PRKD1: variants seen among roughly 807,000 people sequenced by gnomAD.
PRKD1 encodes protein kinase D1.
A neutral mutation model predicts 95.9 loss-of-function variants in PRKD1; 63 were observed. The ratio of observed to expected loss-of-function variants is 0.66; its 90% confidence interval spans 0.54 to 0.81. The LOEUF is 0.81. Among genes scored for constraint, PRKD1 ranks in the 30% least tolerant of loss-of-function variants. PRKD1 has a pLI of 0.00. For missense variants in PRKD1, 1,048 were observed against 1,165.3 expected (o/e 0.90, Z 1.47); for synonymous variants, 425 against 423.1 (o/e 1.00, Z -0.05).
intron 1 of PRKD1, among the ~76,000 whole-genome samples, chr14:29,794,921 TA>T (rs45619836): frequency 6.6e-4 from 101 of 152,300 alleles, no homozygotes; most frequent in Non-Finnish European, 1.2e-3. Flanking sequence ...ACAGACTCAC[TA>T]AAAATCAGAT....
Position 29,643,306 on chromosome 14 carries a change from T to C in PRKD1, c.697-4402A>G, listed in dbSNP as rs188965800. ...TTAACACATCATGCATGGGAGATAA[T>C]ATGAGAACGTAATGATGAAAGTTGT... On this transcript the variant is annotated intron_variant, in intron 4 of 17. Transcript: ENST00000331968. 1.2e-3 allele frequency among the ~76,000 whole-genome samples: 189 copies of C among 152,292 alleles called. 1 individual carries two copies. The highest frequency in any genetic ancestry group is 4.0e-3 in the African/African-American group (165 of 41,558).
chr14:29,638,745 A>G lies in PRKD1; in HGVS notation c.856T>C (p.Tyr286His). The G allele has an allele frequency of 6.2e-7, 1 of 1,614,168 alleles. No individual in the cohort carries two copies. Among genetic ancestry groups the G allele is most frequent in the Non-Finnish European group, 8.5e-7 (1 of 1,180,030 alleles). The change falls in exon 5 of 18, where the codon TAC becomes CAC. Residue 286 changes from tyrosine to histidine, a missense_variant. Around this residue, in one of 3 missense-constraint regions of PRKD1, gnomAD observed 739 missense variants for 861.9 expected, o/e 0.86. Transcript: ENST00000331968. The part of the protein sequence containing the change: ...HSYTRPTVCQ[Y>H]CKKLLKGLFR... Reference sequence around the variant, plus strand: ...AGCCCCTTCAGAAGCTTCTTGCAGTACTGGCACACTGTGGGCCGGGTGTAG... The same window carrying G: ...AGCCCCTTCAGAAGCTTCTTGCAGTGCTGGCACACTGTGGGCCGGGTGTAG...
intron 1 of PRKD1, among the ~76,000 whole-genome samples, chr14:29,848,533 C>T (rs536083874): frequency 1.3e-5 from 2 of 151,758 alleles, no homozygotes; most frequent in East Asian, 3.9e-4. Flanking sequence ...CAGGTTGATC[C>T]TTGGCACAGA....
chr14:29,868,532 A>G (rs182539402), intron 1 of PRKD1, among the ~76,000 whole-genome samples: 91 of 152,284 alleles, frequency 6.0e-4, no homozygotes, highest in African/African-American at 2.0e-3. Context: ...ACTTGGAGAG[A>G]TTTGGCACTG....
At chr14:29,834,349 G>C (rs1392561820) in intron 1 of PRKD1, among the ~76,000 whole-genome samples, 1 of 151,956 alleles carries the variant, frequency 6.6e-6, no homozygotes, top group Non-Finnish European at 1.5e-5. Context: ...TCATTTGTTT[G>C]AAACAGAGGC....
At chr14:29,627,945 C>T (rs578186181) in intron 11 of PRKD1, among the ~76,000 whole-genome samples, 11 of 152,140 alleles carry the variant, frequency 7.2e-5, no homozygotes, top group Non-Finnish European at 1.6e-4. Context: ...TCCGATAACT[C>T]AATGGCCGAT....
intron 1 of PRKD1, among the ~76,000 whole-genome samples, chr14:29,804,166 C>A (rs1411827716): frequency 6.6e-6 from 1 of 150,468 alleles, no homozygotes; most frequent in Admixed American, 6.6e-5. Context: ...TGCTTGAACT[C>A]AGAAGGCGAA....
chr14:29,585,027 T>C (rs1259369139), intron 16 of PRKD1, among the ~76,000 whole-genome samples: 2 of 152,186 alleles, frequency 1.3e-5, no homozygotes, highest in Non-Finnish European at 2.9e-5. Flanking sequence ...CCAATCAACC[T>C]TCAAGCTCCT....
At chr14:29,846,595 T>C (rs776885314) in intron 1 of PRKD1, among the ~76,000 whole-genome samples, 1 of 152,140 alleles carries the variant, frequency 6.6e-6, no homozygotes, top group Non-Finnish European at 1.5e-5. Flanking sequence ...GTTAAGTGTG[T>C]TTGGTTTCAC....
chr14:29,907,677 GT>G (rs749741192), intron 1 of PRKD1, among the ~76,000 whole-genome samples: 42 of 152,138 alleles, frequency 2.8e-4, no homozygotes, highest in Non-Finnish European at 4.3e-4. Flanking sequence ...GCAAGCAACT[GT>G]TTCTTTTGCA....
chr14:29,577,192 T>G lies in PRKD1; in HGVS notation c.*46A>C, dbSNP rs1892582720. On this transcript the variant is annotated 3_prime_UTR_variant, in exon 18 of 18. Transcript: ENST00000331968. ...GGCAAATGTTAAACCTGACCGTATGTATTTATTAGTTCCACAGTGTTTTGA... is the reference window on the plus strand; with the variant it reads ...GGCAAATGTTAAACCTGACCGTATGGATTTATTAGTTCCACAGTGTTTTGA... 3 of 1,551,860 alleles carry G rather than the reference T, an allele frequency of 1.9e-6. No homozygotes were observed. Among genetic ancestry groups the G allele is most frequent in the Non-Finnish European group, 2.7e-6 (3 of 1,125,636 alleles).
Position 29,927,725 on chromosome 14 carries a change from A to C in PRKD1, c.-213T>G. The stretch of plus-strand genomic sequence containing the variant: ...GGGGAGGAGATGGGGAGGAGGGAAA[A>C]TGGCCGAGGCGGGAGGACTCTGAGG... On this transcript the variant is annotated 5_prime_UTR_variant, in exon 1 of 18. Transcript: ENST00000331968. 9.8e-6 allele frequency: 2 copies of C among 204,848 alleles called. No homozygotes were observed. Among genetic ancestry groups the C allele is most frequent in the African/African-American group, 2.4e-5 (1 of 42,456 alleles). The allele number at this position is 204,848 out of a possible 1,614,324, so 12.7% of individuals were successfully genotyped here. A position where few individuals can be genotyped will look rare whatever the true frequency, so the allele number is the denominator to read the frequency against.
chr14:29,829,857 TAAAC>T (rs1369553732), intron 1 of PRKD1, among the ~76,000 whole-genome samples: 2 of 152,124 alleles, frequency 1.3e-5, no homozygotes, highest in Non-Finnish European at 2.9e-5. Flanking sequence ...TCAGGGAAAA[TAAAC>T]AAAACACAAA....
chr14:29,673,872 C>T (rs1883006117), intron 2 of PRKD1, among the ~76,000 whole-genome samples: 1 of 152,136 alleles, frequency 6.6e-6, no homozygotes, highest in South Asian at 2.1e-4. Flanking sequence ...TGATAAAATG[C>T]ATGGACTGAG....
chr14:29,794,879 T>C (rs147591530), intron 1 of PRKD1, among the ~76,000 whole-genome samples: 18 of 152,274 alleles, frequency 1.2e-4, no homozygotes, highest in African/African-American at 4.1e-4. Context: ...TAATTTATAC[T>C]AGCAGCAATG....
At chr14:29,788,889 TTA>T (rs1889397879) in intron 1 of PRKD1, among the ~76,000 whole-genome samples, 1 of 151,948 alleles carries the variant, frequency 6.6e-6, no homozygotes, top group Non-Finnish European at 1.5e-5. Context: ...TTTTATTTAT[TTA>T]TTTATTTATT....
intron 1 of PRKD1, among the ~76,000 whole-genome samples, chr14:29,798,571 T>C (rs1265957232): frequency 6.6e-6 from 1 of 152,336 alleles, no homozygotes; most frequent in South Asian, 2.1e-4. Flanking sequence ...AATATGATTA[T>C]TGCCCATGTT....
intron 1 of PRKD1, among the ~76,000 whole-genome samples, chr14:29,911,920 G>A (rs561426283): frequency 1.3e-5 from 2 of 152,132 alleles, no homozygotes; most frequent in African/African-American, 4.8e-5. Context: ...CCAACATCTT[G>A]TTTCTGTTGT....
At chr14:29,585,681 C>T (rs1892898828) in intron 16 of PRKD1, among the ~76,000 whole-genome samples, 1 of 152,104 alleles carries the variant, frequency 6.6e-6, no homozygotes, top group East Asian at 1.9e-4. Flanking sequence ...GCATCACAAC[C>T]TTACAAAATA....
Sources: gnomAD v4.1 joint callset for allele counts (sites outside exome capture counted in the v4.1 genomes callset) on GRCh38, gnomAD v4.1.1 for gene constraint, gnomAD v4.1.1 regional missense constraint, MANE v1.5 for transcripts, NCBI Gene and HGNC (gene_info 2026-07-23, HGNC 2026-07-21) for gene names.